TCL1B: variants seen among roughly 807,000 people sequenced by gnomAD.
TCL1B encodes T-cell leukemia/lymphoma protein 1B.
TCL1B carries 14 observed loss-of-function variants against 16.9 expected under a neutral mutation model. The ratio of observed to expected loss-of-function variants is 0.83; its 90% CI spans 0.55 to 1.30. The LOEUF is 1.30. TCL1B is among the 50% of genes most tolerant of loss of function. The pLI is 0.00. For synonymous variants in TCL1B, 79 were observed against 66.6 expected (o/e 1.19, Z -0.91); for missense variants, 166 against 165.2 (o/e 1.00, Z -0.03).
chr14:95,687,001 T>C (rs1595339932), intron 1 of TCL1B, among the ~76,000 whole-genome samples: 1 of 152,158 alleles, frequency 6.6e-6, no homozygotes, highest in African/African-American at 2.4e-5. Flanking sequence ...GCAGGAGTAG[T>C]ATAAGCAAAA....
intron 1 of TCL1B, among the ~76,000 whole-genome samples, chr14:95,689,921 G>T (rs1365074225): frequency 6.6e-6 from 1 of 152,198 alleles, no homozygotes; most frequent in Non-Finnish European, 1.5e-5. Flanking sequence ...TTTCCATTTT[G>T]TTGCATAACG....
At chr14:95,689,881 GACA>G (rs1406530398) in intron 1 of TCL1B, among the ~76,000 whole-genome samples, 2 of 152,194 alleles carry the variant, frequency 1.3e-5, no homozygotes, top group African/African-American at 4.8e-5. Flanking sequence ...CACAAAAGAA[GACA>G]AATACTTAGA....
At chr14:95,691,197 C>T in intron 2 of TCL1B, 71 bp from the exon 3 acceptor site, 1 of 1,549,420 alleles carries the variant, frequency 6.5e-7, no homozygotes, top group South Asian at 1.2e-5. Context: ...TGCCAGCCTG[C>T]ATGGGCGGCC....
chr14:95,691,137 G>A, intron 2 of TCL1B, 131 bp from the exon 3 acceptor site: 1 of 1,192,568 alleles, frequency 8.4e-7, no homozygotes, highest in Non-Finnish European at 1.2e-6. Flanking sequence ...CTGGGCTAGG[G>A]AAATCCACAA....
chr14:95,690,678 A>G, intron 1 of TCL1B, 58 bp from the exon 2 acceptor site: 1 of 1,561,280 alleles, frequency 6.4e-7, no homozygotes, highest in South Asian at 1.2e-5. Context: ...GCTTGTGTGC[A>G]GCCCAGTTGG....
At position 95,692,102 on chromosome 14, in the gene TCL1B, C is replaced by T. The variant is rs972174706; in HGVS notation, c.*187C>T. The T allele has an allele frequency of 6.6e-6, 1 of 152,494 alleles. No homozygotes were observed. The highest frequency in any genetic ancestry group is 2.4e-5 in the African/African-American group (1 of 41,444). The allele number at this position is 152,494 out of a possible 1,614,324, so 9.4% of individuals were successfully genotyped here. On this transcript the variant is annotated 3_prime_UTR_variant, in exon 4 of 4. Transcript: ENST00000340722. ...CGTTTTCCTTAGTTATCAGTCCTGTCCTGTCCCACTCAGGTCTGTACTTAG... is the reference window on the plus strand; with the variant it reads ...CGTTTTCCTTAGTTATCAGTCCTGTTCTGTCCCACTCAGGTCTGTACTTAG...
intron 1 of TCL1B, among the ~76,000 whole-genome samples, chr14:95,689,607 C>T (rs1396519118): frequency 6.6e-6 from 1 of 152,066 alleles, no homozygotes; most frequent in Non-Finnish European, 1.5e-5. Context: ...CTAAAGGCAA[C>T]GGTAAAGGAA....
intron 1 of TCL1B, among the ~76,000 whole-genome samples, chr14:95,688,909 A>T (rs1177821976): frequency 6.6e-6 from 1 of 152,220 alleles, no homozygotes; most frequent in Non-Finnish European, 1.5e-5. Flanking sequence ...ACGGAGTCTC[A>T]GTTTGGGAAG....
At chr14:95,689,622 G>A (rs149801688) in intron 1 of TCL1B, among the ~76,000 whole-genome samples, 14 of 152,176 alleles carry the variant, frequency 9.2e-5, no homozygotes, top group African/African-American at 3.4e-4. Flanking sequence ...AAGGAATGAG[G>A]GAAGGAGCCT....
intron 1 of TCL1B, among the ~76,000 whole-genome samples, chr14:95,687,446 C>G (rs923016674): frequency 2.0e-4 from 31 of 152,094 alleles, no homozygotes; most frequent in African/African-American, 6.7e-4. Context: ...CTCAGCGCAT[C>G]CTCTACTATA....
At chr14:95,690,650 G>A (rs887512946) in intron 1 of TCL1B, 86 bp from the exon 2 acceptor site, 28 of 1,439,010 alleles carry the variant, frequency 1.9e-5, no homozygotes, top group Non-Finnish European at 2.6e-5. Context: ...CTCTGACCCT[G>A]GCAGCCCACT....
rs1305845324 is a variant in TCL1B, at chr14:95,691,948, T to A, written c.*33T>A. 1 of 152,566 alleles carries A rather than the reference T, an allele frequency of 6.6e-6. No homozygotes were observed. The highest frequency in any genetic ancestry group is 1.5e-5 in the Non-Finnish European group (1 of 68,320). The allele number at this position is 152,566 out of a possible 1,614,324, so 9.5% of individuals were successfully genotyped here. On this transcript the variant is annotated 3_prime_UTR_variant, in exon 4 of 4. Transcript: ENST00000340722. Reference sequence around the variant, plus strand: ...TCTCGCAGGCCCTGCTGGCCCTGCCTCTTCTGGCCTGGTGTCTCCTCATGC... The same window carrying A: ...TCTCGCAGGCCCTGCTGGCCCTGCCACTTCTGGCCTGGTGTCTCCTCATGC...
chr14:95,691,546 C>T, intron 3 of TCL1B: 1 of 522,456 alleles, frequency 1.9e-6, no homozygotes, highest in Non-Finnish European at 3.4e-6. Context: ...AGCATGGGAT[C>T]TCATCGAATA....
intron 3 of TCL1B, 29 bp downstream of exon 3, chr14:95,691,365 T>C (rs1188860717): frequency 2.5e-6 from 4 of 1,602,522 alleles, no homozygotes; most frequent in South Asian, 1.1e-5. Flanking sequence ...CGTCTCAGTG[T>C]AGGGATCAGA....
intron 1 of TCL1B, among the ~76,000 whole-genome samples, chr14:95,689,012 T>C (rs1748956): frequency 0.69 from 104,428 of 152,150 alleles, 36,682 homozygotes; most frequent in African/African-American, 0.82. Flanking sequence ...GTTGGCCGGG[T>C]GCGGTGGCTC....
At position 95,692,522 on chromosome 14, in the gene TCL1B, G is replaced by A. The variant is rs1415425676; in HGVS notation, c.*607G>A. The A allele has an allele frequency of 6.6e-6, 1 of 152,306 alleles. No individual in the cohort carries two copies. The highest frequency in any genetic ancestry group is 1.5e-5 in the Non-Finnish European group (1 of 68,142). 9.4% of individuals were successfully genotyped at this position (152,306 alleles called of 1,614,324 possible). A position where few individuals can be genotyped will look rare whatever the true frequency, so the allele number is the denominator to read the frequency against. On this transcript the variant is annotated 3_prime_UTR_variant, in exon 4 of 4. Transcript: ENST00000340722. ...CACAGTGGGGAGCATGGAGGGATGG[G>A]TTTGGCCTGTGCTTCTGCTTATTCA...
rs36101964 is a variant in TCL1B at position 95,690,886 on chromosome 14, G to A, written c.313G>A (p.Glu105Lys). Residue 105 changes from glutamate (E) to lysine (K), a missense_variant, in exon 2 of 4, where the codon GAA becomes AAA. By Grantham distance (56) the Glu-to-Lys change is moderately conservative. Transcript: ENST00000340722. ...KYRAADSSFWEIADHGQIDSM... is the reference protein window; with the variant it reads ...KYRAADSSFWKIADHGQIDSM... ...CCGAGCAGCGGATTCCAGTTTCTGG[G>A]AAATAGCAGACCATGGCCAGGCAAG... is the stretch of plus-strand genomic sequence containing the variant. 353 of 1,612,506 alleles carry A rather than the reference G, an allele frequency of 2.2e-4. No individual in the cohort carries two copies. The African/African-American group carries it at 4.3e-3, about 20-fold the overall frequency.
chr14:95,690,709 T>A (rs1490686213), intron 1 of TCL1B, 27 bp from the exon 2 acceptor site: 1 of 1,592,234 alleles, frequency 6.3e-7, no homozygotes. Flanking sequence ...TATCCATGAT[T>A]TGCCGCCTCT....
At position 95,691,349 on chromosome 14, in the gene TCL1B, C is replaced by G; in HGVS notation, c.*15+13C>G. The G allele has an allele frequency of 6.2e-7, 1 of 1,612,036 alleles. No homozygotes were observed. The highest frequency in any genetic ancestry group is 1.3e-5 in the African/African-American group (1 of 74,910). On this transcript the variant is annotated intron_variant, in intron 3 of 3. Coordinates refer to ENST00000340722, the MANE Select transcript of TCL1B (RefSeq NM_004918.4). ...CTGGGAGTGGCTGGTATGTTGGGGCCCTGTGCGTCTCAGTGTAGGGATCAG... is the reference window on the plus strand; with the variant it reads ...CTGGGAGTGGCTGGTATGTTGGGGCGCTGTGCGTCTCAGTGTAGGGATCAG...
Sources: gnomAD v4.1 joint callset for allele counts (sites outside exome capture counted in the v4.1 genomes callset) on GRCh38, gnomAD v4.1.1 for gene constraint, MANE v1.5 for transcripts, NCBI Gene and HGNC (gene_info 2026-07-23, HGNC 2026-07-21) for gene names.